Variants in CRHR2 observed in about 807,000 individuals in gnomAD.
CRHR2 encodes corticotropin-releasing hormone receptor 2.
Under a neutral mutation model 57.9 loss-of-function variants are expected in CRHR2, and 53 were observed. The ratio of observed to expected loss-of-function variants is 0.92; its 90% CI spans 0.73 to 1.15. The LOEUF (loss-of-function observed/expected upper bound fraction) is 1.15, where lower values mean the gene tolerates loss of function less well. Among genes scored for constraint, CRHR2 ranks in the 50% most tolerant of loss-of-function variants. The probability of loss-of-function intolerance (pLI) is 0.00; values close to 1 mark genes in which losing one functional copy is unlikely to be tolerated. For missense variants in CRHR2, 532 were observed against 542.6 expected (o/e 0.98, Z 0.19); for synonymous variants, 213 against 220.9 (o/e 0.96, Z 0.32).
intron 11 of CRHR2, chr7:30,654,729 G>A (rs1303740872): frequency 3.3e-6 from 5 of 1,536,096 alleles, no homozygotes; most frequent in Non-Finnish European, 4.4e-6. Flanking sequence ...CTTTCTGGAA[G>A]CTTCCTTCTG....
chr7:30,665,441 CAGA>C lies in CRHR2; in HGVS notation c.425+86_425+88del. On this transcript the variant is annotated intron_variant, in intron 4 of 11. Transcript: ENST00000471646. The surrounding 1 kb of genome is among the most constrained non-coding windows in gnomAD (Gnocchi z 4.5). ...ACGGGCCCTTTTATCTGCTGGGCCC[CAGA>C]ATGGAGGTGAGAATGTCTGGGAGAG... 5.0e-6 allele frequency: 6 copies of C among 1,199,382 alleles called. 1 individual carries two copies. The highest frequency in any genetic ancestry group is 7.1e-6 in the Non-Finnish European group (6 of 839,516). 74.3% of individuals were successfully genotyped at this position (1,199,382 alleles called of 1,614,324 possible). A position where few individuals can be genotyped will look rare whatever the true frequency, so the allele number is the denominator to read the frequency against.
At chr7:30,697,048 A>C (rs1785070548) in intron 1 of CRHR2, among the ~76,000 whole-genome samples, 2 of 152,246 alleles carry the variant, frequency 1.3e-5, no homozygotes, top group Non-Finnish European at 2.9e-5. Flanking sequence ...GGGAAAAGTC[A>C]TTCAATGCAT....
chr7:30,682,199 C>A lies in CRHR2; in HGVS notation c.82G>T (p.Gly28Trp), dbSNP rs781136437. 3 of 1,586,768 alleles carry A rather than the reference C, an allele frequency of 1.9e-6. No individual in the cohort carries two copies. Among genetic ancestry groups the A allele is most frequent in the South Asian group, 1.1e-5 (1 of 88,252 alleles). ...CTACCCTCGGGGTCCAGGGGTGGCC[C>A]CCAGCCGTCCAAGAGCAGCTCTTCA... ...LAEELLLDGWGPPLDPEGPYS... is the reference protein window; with the variant it reads ...LAEELLLDGWWPPLDPEGPYS... The change falls in exon 1 of 12, where the codon GGG becomes TGG. Residue 28 changes from glycine to tryptophan, a missense_variant. Coordinates refer to ENST00000471646, the MANE Select transcript of CRHR2 (RefSeq NM_001883.5).
chr7:30,656,882 G>C lies in CRHR2; in HGVS notation c.832-870C>G, dbSNP rs564028236. On this transcript the variant is annotated intron_variant, in intron 8 of 11. Coordinates refer to ENST00000471646, the MANE Select transcript of CRHR2 (RefSeq NM_001883.5). This position sits in a 1 kb window ranked among gnomAD's most constrained non-coding sequence, Gnocchi z 4.4. ...TGCAAGTGTGTTTGCCTCACAGAGC[G>C]TGTGCATGTGTGAGCATGGATCTGG... Among the ~76,000 whole-genome samples, 2 of 152,184 alleles carry C rather than the reference G, an allele frequency of 1.3e-5. No individual in the cohort carries two copies. Among genetic ancestry groups the C allele is most frequent in the African/African-American group, 4.8e-5 (2 of 41,450 alleles).
intron 1 of CRHR2, among the ~76,000 whole-genome samples, chr7:30,695,206 G>T (rs1785034321): frequency 6.6e-6 from 1 of 152,070 alleles, no homozygotes; most frequent in Non-Finnish European, 1.5e-5. Context: ...GTGGGTCATT[G>T]TTTTCTGGTG....
intron 2 of CRHR2, among the ~76,000 whole-genome samples, chr7:30,676,061 C>T (rs1784506043): frequency 6.6e-6 from 1 of 152,214 alleles, no homozygotes; most frequent in Admixed American, 6.5e-5. Context: ...CCAGAGCCAG[C>T]AGAGGCCTAT....
In CRHR2 at chr7:30,665,596, T is replaced by C. The variant is rs1784158768; in HGVS notation, c.359A>G (p.Asn120Ser). Residue 120 changes from asparagine to serine, a missense_variant, in exon 4 of 12, where the codon AAC becomes AGC. Asn to Ser is a conservative substitution (Grantham distance 46). Transcript: ENST00000471646. The surrounding 1 kb of genome is among the most constrained non-coding windows in gnomAD (Gnocchi z 4.5). ...DLHYRIALVV[N>S]YLGHCVSVAA... The stretch of plus-strand genomic sequence containing the variant: ...CACAGATACGCAGTGGCCCAGGTAG[T>C]TGACGACAAGGGCGATGCGGTAGTG... 1 of 1,563,640 alleles carries C rather than the reference T, an allele frequency of 6.4e-7. No individual in the cohort carries two copies. The highest frequency in any genetic ancestry group is 8.7e-7 in the Non-Finnish European group (1 of 1,153,034).
chr7:30,697,304 C>T (rs1351855134), intron 1 of CRHR2, among the ~76,000 whole-genome samples: 3 of 152,162 alleles, frequency 2.0e-5, no homozygotes, highest in Non-Finnish European at 2.9e-5. Context: ...GGGGGTGTCT[C>T]GCTGTCCAAA....
At chr7:30,683,342 C>T (rs995105637), upstream of CRHR2, among the ~76,000 whole-genome samples, 5 of 152,164 alleles carry the variant, frequency 3.3e-5, no homozygotes, top group African/African-American at 9.7e-5. Context: ...ACACCAGTAG[C>T]GGGGCAGGGG....
chr7:30,669,209 C>T (rs964884367), intron 2 of CRHR2, among the ~76,000 whole-genome samples: 6 of 152,164 alleles, frequency 3.9e-5, no homozygotes, highest in Admixed American at 3.3e-4. Context: ...TCCAGCTTTC[C>T]TGAAGCTCAG....
At chr7:30,698,344 C>T (rs1362267903) in intron 1 of CRHR2, 1 of 152,252 alleles carries the variant, frequency 6.6e-6, no homozygotes, top group Non-Finnish European at 1.5e-5. Flanking sequence ...TCCTAGGGCA[C>T]CTCTGGAGCA....
intron 2 of CRHR2, among the ~76,000 whole-genome samples, chr7:30,671,069 G>A (rs1222098283): frequency 6.6e-6 from 1 of 152,222 alleles, no homozygotes; most frequent in Non-Finnish European, 1.5e-5. Flanking sequence ...GCTGGGACAT[G>A]AGACCCTATA....
rs116027091 is a variant in CRHR2, at chr7:30,663,683, G to A, written c.544-836C>T. Reference sequence around the variant, plus strand: ...GAAGACCCTGCCCCTTTAGAGCCACGCAGTGGGCCATGGCAGGGCCAGGGT... The same window carrying A: ...GAAGACCCTGCCCCTTTAGAGCCACACAGTGGGCCATGGCAGGGCCAGGGT... On this transcript the variant is annotated intron_variant, in intron 5 of 11. Coordinates refer to ENST00000471646, the MANE Select transcript of CRHR2 (RefSeq NM_001883.5). Among the ~76,000 whole-genome samples the A allele has an allele frequency of 2.0e-3, 307 of 152,344 alleles. 1 individual carries two copies. The highest frequency in any genetic ancestry group is 6.3e-3 in the African/African-American group (264 of 41,582).
At chr7:30,654,262 C>G (rs1783689901) in intron 11 of CRHR2, among the ~76,000 whole-genome samples, 1 of 152,220 alleles carries the variant, frequency 6.6e-6, no homozygotes, top group Admixed American at 6.5e-5. Flanking sequence ...AATAAATGCT[C>G]CATAAACATC....
intron 11 of CRHR2, chr7:30,654,763 C>CGAA: frequency 6.5e-7 from 1 of 1,536,496 alleles, no homozygotes; most frequent in Non-Finnish European, 8.7e-7. Flanking sequence ...TCTGGCTTCT[C>CGAA]TCTTCCATGA....
rs772231611 is a variant in CRHR2, at chr7:30,653,456, G to A, written c.*4C>T. The A allele has an allele frequency of 3.8e-5, 61 of 1,612,966 alleles. No homozygotes were observed. Among genetic ancestry groups the A allele is most frequent in the Non-Finnish European group, 4.2e-6 (5 of 1,179,686 alleles). ...GGGAGCTGTGCAGGTGGGCGACCGA[G>A]GGGTCACACAGCGGCCGTCTGCTTG... On this transcript the variant is annotated 3_prime_UTR_variant, in exon 12 of 12. Coordinates refer to ENST00000471646, the MANE Select transcript of CRHR2 (RefSeq NM_001883.5). This position sits in a 1 kb window ranked among gnomAD's most constrained non-coding sequence, Gnocchi z 5.0.
At chr7:30,678,486 C>T (rs1002657657) in intron 2 of CRHR2, among the ~76,000 whole-genome samples, 3 of 152,198 alleles carry the variant, frequency 2.0e-5, no homozygotes, top group South Asian at 2.1e-4. Flanking sequence ...TGTGGCCATG[C>T]GCTAGTCCCT....
At chr7:30,693,921 T>G (rs1463353355) in intron 1 of CRHR2, among the ~76,000 whole-genome samples, 1 of 152,222 alleles carries the variant, frequency 6.6e-6, no homozygotes, top group Non-Finnish European at 1.5e-5. Context: ...TTCTTTCTTC[T>G]GAGGGGAACG....
rs536851807 is a variant in CRHR2, at chr7:30,666,232, A to G, written c.316-593T>C. Among the ~76,000 whole-genome samples the G allele has an allele frequency of 3.3e-5, 5 of 152,240 alleles. No homozygotes were observed. In the East Asian group the frequency reaches 5.8e-4, roughly 18 times the overall value. On this transcript the variant is annotated intron_variant, in intron 3 of 11. Transcript: ENST00000471646. ...AACCTGCCATCCTACCTAAGAAGCAATGGCCTATGGGAGGCCTGGGGTGGG... is the reference window on the plus strand; with the variant it reads ...AACCTGCCATCCTACCTAAGAAGCAGTGGCCTATGGGAGGCCTGGGGTGGG...
Sources: allele counts gnomAD v4.1 joint callset (sites outside exome capture counted in the v4.1 genomes callset), GRCh38; gene constraint gnomAD v4.1.1; non-coding constraint Gnocchi (gnomAD v3.1); transcripts MANE v1.5; gene names NCBI Gene and HGNC (gene_info 2026-07-23, HGNC 2026-07-21).